The following ABCC2 variants were observed in gnomAD, a reference collection of about 807,000 sequenced individuals.
ABCC2 encodes ATP binding cassette subfamily C member 2.
A neutral mutation model predicts 173.4 loss-of-function variants in ABCC2; 157 were observed. The ratio of observed to expected loss-of-function variants is 0.91; its 90% CI spans 0.80 to 1.03. ABCC2 has a LOEUF of 1.03. ABCC2 is among the 50% of genes least tolerant of loss of function. The pLI, the probability that ABCC2 is intolerant of heterozygous loss-of-function variation, is 0.00. For missense variants in ABCC2, 1,822 were observed against 1,852.3 expected (o/e 0.98, Z 0.30); for synonymous variants, 657 against 693.5 (o/e 0.95, Z 0.83).
At chr10:99,828,232 G>A (rs189963918) in intron 19 of ABCC2, among the ~76,000 whole-genome samples, 71 of 151,858 alleles carry the variant, frequency 4.7e-4, no homozygotes, top group African/African-American at 1.4e-3. Context: ...AAACATCCCC[G>A]TAAGCCCTTT....
intron 16 of ABCC2, among the ~76,000 whole-genome samples, chr10:99,817,106 C>T (rs947697815): frequency 6.6e-6 from 1 of 152,142 alleles, no homozygotes; most frequent in Non-Finnish European, 1.5e-5. Context: ...GTGGATGGGG[C>T]TTTTAATGGT....
intron 24 of ABCC2, among the ~76,000 whole-genome samples, chr10:99,834,880 A>G (rs1456659643): frequency 6.6e-6 from 1 of 152,172 alleles, no homozygotes; most frequent in Non-Finnish European, 1.5e-5. Context: ...CCCCATGACG[A>G]TTAGGTCGGT....
chr10:99,818,931 G>A lies in ABCC2; in HGVS notation c.2413G>A (p.Gly805Ser). 3.1e-6 allele frequency: 5 copies of A among 1,614,120 alleles called. No homozygotes were observed. The highest frequency in any genetic ancestry group is 4.2e-6 in the Non-Finnish European group (5 of 1,180,022). ...AAAACATATTTTTAATAAGGTCTTG[G>A]GCCCCAATGGCCTGTTGAAAGGCAA... ...VGKHIFNKVL[G>S]PNGLLKGKTR... The change falls in exon 18 of 32, where the codon GGC becomes AGC. Residue 805 changes from glycine (G) to serine (S), a missense_variant. Physicochemically the swap from Gly to Ser is moderately conservative, Grantham distance 56. Coordinates refer to ENST00000647814, the MANE Select transcript of ABCC2 (RefSeq NM_000392.5).
intron 16 of ABCC2, among the ~76,000 whole-genome samples, chr10:99,814,368 TATATATACAC>T (rs538715496): frequency 8.1e-4 from 67 of 82,288 alleles, no homozygotes; most frequent in South Asian, 4.3e-3. Flanking sequence ...TACACACATG[TATATATACAC>T]ATATATACAT....
chr10:99,825,637 T>C (rs1426640725), intron 19 of ABCC2, among the ~76,000 whole-genome samples: 2 of 152,244 alleles, frequency 1.3e-5, no homozygotes, highest in Non-Finnish European at 2.9e-5. Context: ...CCAACTGAAT[T>C]TCGCCTTTAT....
rs139131305 is a variant in ABCC2 at position 99,784,671 on chromosome 10, G to T, written c.97G>T (p.Val33Leu). The change falls in exon 2 of 32, where the codon GTG (valine) becomes TTG (leucine). Residue 33 changes from valine to leucine, a missense_variant. Val to Leu is a conservative substitution (Grantham distance 32). Coordinates refer to ENST00000647814, the MANE Select transcript of ABCC2 (RefSeq NM_000392.5). ...LPLCFEQTVL[V>L]WIPLGYLWLL... ...ACTTTGTTTTGAGCAAACTGTTCTG[G>T]TGTGGATTCCCTTGGGCTACCTATG... The T allele has an allele frequency of 1.2e-5, 19 of 1,614,098 alleles. 1 individual carries two copies. In the East Asian group the frequency reaches 2.7e-4, roughly 23 times the overall value.
intron 16 of ABCC2, among the ~76,000 whole-genome samples, chr10:99,816,645 G>A (rs923613206): frequency 7.9e-5 from 12 of 152,098 alleles, no homozygotes; most frequent in South Asian, 6.2e-4. Flanking sequence ...CCCCAACCCC[G>A]TGGGCCTCAG....
rs747083929 is a variant in ABCC2, at chr10:99,841,985, G to C, written c.3633G>C (p.Leu1211=). ...CCCACAGGTGGCTTGCAATTCGCCT[G>C]GAGCTGGTTGGGAACCTGACTGTCT... ...ITSNRWLAIR[L]ELVGNLTVFF... The change falls in exon 26 of 32, where the codon CTG becomes CTC. Residue 1211 remains leucine (L), a synonymous_variant. Coordinates refer to ENST00000647814, the MANE Select transcript of ABCC2 (RefSeq NM_000392.5). 2 of 1,614,172 alleles carry C rather than the reference G, an allele frequency of 1.2e-6. No individual in the cohort carries two copies. Among genetic ancestry groups the C allele is most frequent in the Non-Finnish European group, 1.7e-6 (2 of 1,180,010 alleles).
intron 2 of ABCC2, among the ~76,000 whole-genome samples, chr10:99,791,301 G>A (rs1035009547): frequency 1.3e-5 from 2 of 152,096 alleles, no homozygotes; most frequent in South Asian, 2.1e-4. Context: ...CCAGCTACTC[G>A]GGAGGCTGAG....
intron 26 of ABCC2, among the ~76,000 whole-genome samples, chr10:99,843,467 A>T (rs752939033): frequency 6.6e-6 from 1 of 152,188 alleles, no homozygotes; most frequent in Non-Finnish European, 1.5e-5. Context: ...TCCCTGATTC[A>T]CAAAGAACAC....
intron 16 of ABCC2, 118 bp downstream of exon 16, chr10:99,813,262 T>C (rs2038248586): frequency 1.5e-6 from 2 of 1,342,112 alleles, no homozygotes; most frequent in South Asian, 2.5e-5. Flanking sequence ...AGACATCCGA[T>C]AGATTTGTGG....
rs1286377499 is a variant in ABCC2 at position 99,799,318 on chromosome 10, C to T, written c.979C>T (p.Leu327=). The part of the protein sequence containing the change: ...TFYMVLLKSF[L]LKLVNDIFTF... ...CTACATGGTGCTCCTGAAATCATTC[C>T]TACTGAAGCTAGTGAATGACATCTT... is the stretch of plus-strand genomic sequence containing the variant. Residue 327 remains leucine, a synonymous_variant, in exon 8 of 32, where the codon CTA becomes TTA. Transcript: ENST00000647814. 6.2e-7 allele frequency: 1 copy of T among 1,614,038 alleles called. No homozygotes were observed. Among genetic ancestry groups the T allele is most frequent in the African/African-American group, 1.3e-5 (1 of 74,936 alleles).
rs779584212 is a variant in ABCC2, at chr10:99,813,047, T to G, written c.1997T>G (p.Leu666Arg). ...DVNLDIMAGQ[L>R]VAVIGPVGSG... ...AACCTGGACATTATGGCAGGCCAAC[T>G]TGTGGCTGTGATAGGCCCTGTCGGC... The change falls in exon 16 of 32, where the codon CTT (leucine) becomes CGT (arginine). Residue 666 changes from leucine (L) to arginine (R), a missense_variant. Leu to Arg is a moderately radical substitution (Grantham distance 102, BLOSUM62 -2). Coordinates refer to ENST00000647814, the MANE Select transcript of ABCC2 (RefSeq NM_000392.5). The G allele has an allele frequency of 1.2e-6, 2 of 1,613,940 alleles. No individual in the cohort carries two copies.
chr10:99,805,423 G>C lies in ABCC2; in HGVS notation c.1506G>C (p.Met502Ile), dbSNP rs777794497. Reference sequence around the variant, plus strand: ...ATAAAGACAAACGTTTAAAGATCATGAATGAGATTCTTAGTGGAATCAAGG... The same window carrying C: ...ATAAAGACAAACGTTTAAAGATCATCAATGAGATTCTTAGTGGAATCAAGG... ...MKNKDKRLKI[M>I]NEILSGIKIL... Residue 502 changes from methionine to isoleucine, a missense_variant, in exon 11 of 32, where the codon ATG becomes ATC. Coordinates refer to ENST00000647814, the MANE Select transcript of ABCC2 (RefSeq NM_000392.5). 9 of 1,613,970 alleles carry C rather than the reference G, an allele frequency of 5.6e-6. No homozygotes were observed. Among genetic ancestry groups the C allele is most frequent in the Non-Finnish European group, 7.6e-6 (9 of 1,179,922 alleles).
rs372221992 is a variant in ABCC2 at position 99,851,538 on chromosome 10, C to T, written c.4545C>T (p.Cys1515=). 2.0e-5 allele frequency: 33 copies of T among 1,613,966 alleles called. No homozygotes were observed. The highest frequency in any genetic ancestry group is 1.2e-4 in the African/African-American group (9 of 75,028). ...MVLDNGKIIE[C]GSPEELLQIP... ...TAGACAACGGGAAGATTATAGAGTG[C>T]GGCAGCCCTGAAGAACTGCTACAAA... Residue 1515 remains cysteine, a synonymous_variant, in exon 32 of 32, where the codon TGC becomes TGT. Coordinates refer to ENST00000647814, the MANE Select transcript of ABCC2 (RefSeq NM_000392.5).
chr10:99,804,860 G>A (rs2038073547), intron 10 of ABCC2, among the ~76,000 whole-genome samples: 2 of 152,234 alleles, frequency 1.3e-5, no homozygotes, highest in African/African-American at 4.8e-5. Context: ...ACAGCAGTGA[G>A]TTAGGGCTCC....
chr10:99,817,156 C>A, intron 16 of ABCC2, 152 bp from the exon 17 acceptor site: 1 of 722,680 alleles, frequency 1.4e-6, no homozygotes, highest in Non-Finnish European at 2.4e-6. Context: ...TAACTACAAG[C>A]ACGTGAATAC....
rs764846386 is a variant in ABCC2, at chr10:99,842,064, G to C, written c.3712G>C (p.Val1238Leu). The change falls in exon 26 of 32, where the codon GTT becomes CTT. Residue 1238 changes from valine to leucine, a missense_variant. Transcript: ENST00000647814. ...TAGAGATACCCTAAGTGGGGACACT[G>C]TTGGCTTTGTTCTGTCCAATGCACT... Reference protein sequence around the residue: ...IYRDTLSGDTVGFVLSNALNI... With the variant: ...IYRDTLSGDTLGFVLSNALNI... 3.1e-6 allele frequency: 5 copies of C among 1,614,208 alleles called. No homozygotes were observed. The highest frequency in any genetic ancestry group is 4.2e-6 in the Non-Finnish European group (5 of 1,180,028).
At chr10:99,808,405 C>T (rs541282148) in intron 13 of ABCC2, among the ~76,000 whole-genome samples, 176 bp downstream of exon 13, 3 of 152,132 alleles carry the variant, frequency 2.0e-5, no homozygotes, top group East Asian at 3.9e-4. Context: ...TTTTCTGAGC[C>T]CCAGTTTATC....
Sources: allele counts gnomAD v4.1 joint callset (sites outside exome capture counted in the v4.1 genomes callset), GRCh38; gene constraint gnomAD v4.1.1; transcripts MANE v1.5; gene names NCBI Gene and HGNC (gene_info 2026-07-23, HGNC 2026-07-21).